CHRM3: variants seen among roughly 807,000 people sequenced by gnomAD.
The protein encoded by CHRM3 is cholinergic receptor muscarinic 3.
A neutral mutation model predicts 41.8 loss-of-function variants in CHRM3; 11 were observed. The ratio of observed to expected loss-of-function variants is 0.26; its 90% confidence interval spans 0.17 to 0.44. CHRM3 has a LOEUF of 0.44. Among genes scored for constraint, CHRM3 ranks in the 20% least tolerant of loss-of-function variants. The pLI, the probability that CHRM3 is intolerant of heterozygous loss-of-function variation, is 1.00. For synonymous variants in CHRM3, 297 were observed against 301.4 expected (o/e 0.99, Z 0.15); for missense variants, 571 against 745.4 (o/e 0.77, Z 2.72).
intron 5 of CHRM3, among the ~76,000 whole-genome samples, chr1:239,749,552 C>T (rs959503149): frequency 2.0e-4 from 31 of 152,146 alleles, no homozygotes; most frequent in African/African-American, 7.0e-4. Context: ...CCTGTAATCA[C>T]AGCTGCACAG....
chr1:239,543,011 C>A (rs576153149), intron 2 of CHRM3, among the ~76,000 whole-genome samples: 2 of 152,060 alleles, frequency 1.3e-5, no homozygotes, highest in Non-Finnish European at 2.9e-5. Flanking sequence ...TAAATGGGGG[C>A]GAATGGAGGA....
At position 239,608,010 on chromosome 1, in the gene CHRM3, G is replaced by A. The variant is rs112385735; in HGVS notation, c.-312-24214G>A. 3.1e-3 allele frequency among the ~76,000 whole-genome samples: 478 copies of A among 152,216 alleles called. 2 individuals are homozygous for A. Among genetic ancestry groups the A allele is most frequent in the African/African-American group, 0.011 (457 of 41,532 alleles). On this transcript the variant is annotated intron_variant, in intron 3 of 6. Coordinates refer to ENST00000676153, the MANE Select transcript of CHRM3 (RefSeq NM_001375978.1). ...AGTTTATGTATTTTAAAAGGAAGGC[G>A]TCTTTTCACTTGAAGCAATGCCCAA...
chr1:239,867,689 A>G (rs7524026), intron 6 of CHRM3, among the ~76,000 whole-genome samples: 5,983 of 151,492 alleles, frequency 0.039, 411 homozygotes, highest in African/African-American at 0.13. Context: ...CTGTCTCAAA[A>G]AAAAAAAAAA....
At chr1:239,899,404 CAT>C (rs1382121936) in intron 6 of CHRM3, among the ~76,000 whole-genome samples, 3 of 148,884 alleles carry the variant, frequency 2.0e-5, no homozygotes, top group Non-Finnish European at 4.4e-5. Context: ...CATATACACA[CAT>C]ATACATATAT....
chr1:239,640,669 A>T (rs1255338489), intron 4 of CHRM3, among the ~76,000 whole-genome samples: 2 of 149,478 alleles, frequency 1.3e-5, no homozygotes, highest in Non-Finnish European at 3.0e-5. Flanking sequence ...TTTCTTTATT[A>T]GTCTTGCTAG....
intron 6 of CHRM3, chr1:239,898,199 C>G (rs1330929450): frequency 6.6e-6 from 1 of 152,160 alleles, no homozygotes; most frequent in African/African-American, 2.4e-5. Context: ...GCTTTGTTGA[C>G]TCTGTTTGAT....
At chr1:239,852,826 TTAA>T (rs1261363054) in intron 6 of CHRM3, among the ~76,000 whole-genome samples, 2 of 152,178 alleles carry the variant, frequency 1.3e-5, no homozygotes, top group African/African-American at 2.4e-5. Flanking sequence ...AAGTTTACAC[TTAA>T]TAGTATTATT....
At chr1:239,825,451 G>T (rs1672378545) in intron 5 of CHRM3, among the ~76,000 whole-genome samples, 1 of 152,104 alleles carries the variant, frequency 6.6e-6, no homozygotes, top group African/African-American at 2.4e-5. Context: ...CTTGACTTCA[G>T]TGATTCCCAC....
intron 4 of CHRM3, among the ~76,000 whole-genome samples, chr1:239,669,895 C>A (rs1393465123): frequency 6.6e-6 from 1 of 152,168 alleles, no homozygotes; most frequent in East Asian, 1.9e-4. Context: ...CAACTCGTTT[C>A]TTTTACATGG....
At chr1:239,467,159 T>C (rs1164668000) in intron 1 of CHRM3, among the ~76,000 whole-genome samples, 1 of 152,180 alleles carries the variant, frequency 6.6e-6, no homozygotes, top group African/African-American at 2.4e-5. Context: ...ACTATAAGAA[T>C]TCCATCCCTA....
At chr1:239,597,282 CA>C (rs1195045847) in intron 3 of CHRM3, among the ~76,000 whole-genome samples, 1 of 152,114 alleles carries the variant, frequency 6.6e-6, no homozygotes, top group African/African-American at 2.4e-5. Context: ...CAAGCCTTTT[CA>C]TTTTTCGTGT....
chr1:239,803,127 T>G (rs887710841), intron 5 of CHRM3, among the ~76,000 whole-genome samples: 7 of 152,178 alleles, frequency 4.6e-5, no homozygotes, highest in Non-Finnish European at 8.8e-5. Context: ...AACCCTTTTT[T>G]GGGGGTAACA....
At chr1:239,790,353 A>G (rs1669240270) in intron 5 of CHRM3, among the ~76,000 whole-genome samples, 1 of 152,190 alleles carries the variant, frequency 6.6e-6, no homozygotes, top group Non-Finnish European at 1.5e-5. Context: ...TAATACCCAC[A>G]CGTCAAGAGT....
intron 1 of CHRM3, among the ~76,000 whole-genome samples, chr1:239,391,641 A>G (rs1331891205): frequency 6.6e-6 from 1 of 152,112 alleles, no homozygotes; most frequent in Admixed American, 6.5e-5. Flanking sequence ...AGCTTGCCAC[A>G]TTGACACAGA....
intron 1 of CHRM3, among the ~76,000 whole-genome samples, chr1:239,407,417 T>TATATATATATATATATAGAGAGAGAG: frequency 3.7e-5 from 5 of 134,200 alleles, no homozygotes; most frequent in South Asian, 4.8e-4. Context: ...TATATATATA[T>TATATATATATATATATAGAGAGAGAG]AGAGAGAGAG....
chr1:239,640,189 G>A (rs1325907904), intron 4 of CHRM3, among the ~76,000 whole-genome samples: 1 of 151,728 alleles, frequency 6.6e-6, no homozygotes, highest in Non-Finnish European at 1.5e-5. Context: ...GAGGATTTTT[G>A]CATCAATGTT....
chr1:239,538,245 A>G (rs1658399163), intron 2 of CHRM3, among the ~76,000 whole-genome samples: 1 of 152,228 alleles, frequency 6.6e-6, no homozygotes, highest in South Asian at 2.1e-4. Context: ...ATGCAATTAT[A>G]AAGTGTGATG....
At chr1:239,464,500 G>A (rs1050392548) in intron 1 of CHRM3, among the ~76,000 whole-genome samples, 4 of 152,006 alleles carry the variant, frequency 2.6e-5, no homozygotes, top group African/African-American at 9.7e-5. Flanking sequence ...AACGCCCTCT[G>A]TTTCGTCCCC....
At chr1:239,657,580 A>G (rs1200067335) in intron 4 of CHRM3, among the ~76,000 whole-genome samples, 1 of 152,260 alleles carries the variant, frequency 6.6e-6, no homozygotes, top group African/African-American at 2.4e-5. Flanking sequence ...CAAGGTTGCT[A>G]CAAGAACAGG....
Sources: gnomAD v4.1 joint callset for allele counts (sites outside exome capture counted in the v4.1 genomes callset) on GRCh38, gnomAD v4.1.1 for gene constraint, MANE v1.5 for transcripts, NCBI Gene and HGNC (gene_info 2026-07-23, HGNC 2026-07-21) for gene names.